FAM120B: variants seen among roughly 807,000 people sequenced by gnomAD.
FAM120B encodes the protein family with sequence similarity 120 member B, also known as constitutive coactivator of peroxisome proliferator-activated receptor gamma.
A neutral mutation model predicts 96.3 loss-of-function variants in FAM120B; 83 were observed. The observed-to-expected ratio is 0.86, with a 90% CI of 0.72 to 1.03. The LOEUF (loss-of-function observed/expected upper bound fraction) is 1.03. FAM120B is among the 50% of genes least tolerant of loss of function. FAM120B has a pLI of 0.00. For missense variants in FAM120B, 1,027 were observed against 1,121.2 expected, an observed-to-expected ratio of 0.92 and a Z score of 1.20; for synonymous variants, 407 against 402.7, an observed-to-expected ratio of 1.01 and a Z score of -0.13.
rs200449231 is a variant in FAM120B at position 170,317,347 on chromosome 6, G to C, written c.-21-23G>C. 6.8e-5 allele frequency: 106 copies of C among 1,561,978 alleles called. No homozygotes were observed. The African/African-American group carries it at 1.2e-3, about 18-fold the overall frequency. On this transcript the variant is annotated intron_variant, in intron 1 of 10. Coordinates refer to ENST00000476287, the MANE Select transcript of FAM120B (RefSeq NM_032448.3). ...ATCTAATGATAATGCCATAATTACT[G>C]ATTAATTTATCTTTCTTTCCAGATC...
chr6:170,396,277 A>G (rs1156312642), intron 9 of FAM120B, among the ~76,000 whole-genome samples: 1 of 152,172 alleles, frequency 6.6e-6, no homozygotes, highest in Admixed American at 6.5e-5. Flanking sequence ...AAAACACAGC[A>G]AGTCTTCAGT....
intron 7 of FAM120B, among the ~76,000 whole-genome samples, chr6:170,389,347 A>T (rs1317284343): frequency 6.6e-6 from 1 of 152,140 alleles, no homozygotes; most frequent in Non-Finnish European, 1.5e-5. Flanking sequence ...GGAATTTTCC[A>T]CTTATAGCAG....
intron 9 of FAM120B, among the ~76,000 whole-genome samples, chr6:170,398,044 G>C (rs536600168): frequency 6.6e-6 from 1 of 152,212 alleles, no homozygotes; most frequent in Non-Finnish European, 1.5e-5. Flanking sequence ...ATAGTCAAGA[G>C]AGTCCACAGT....
chr6:170,395,656 C>T, intron 9 of FAM120B, 77 bp downstream of exon 9: 1 of 1,016,010 alleles, frequency 9.8e-7, no homozygotes, highest in East Asian at 2.6e-5. Flanking sequence ...CTGATAACTG[C>T]CTTCCTCTGT....
intron 6 of FAM120B, among the ~76,000 whole-genome samples, chr6:170,382,326 C>T (rs1789955413): frequency 6.6e-6 from 1 of 152,100 alleles, no homozygotes; most frequent in Admixed American, 6.5e-5. Flanking sequence ...ATTGTTTGAG[C>T]CAGAGAGGTC....
chr6:170,378,177 C>A (rs1789686931), intron 6 of FAM120B, among the ~76,000 whole-genome samples: 2 of 152,310 alleles, frequency 1.3e-5, no homozygotes, highest in East Asian at 3.9e-4. Context: ...GAGATCACAG[C>A]CCAGGTGTTG....
rs569769659 is a variant in FAM120B, at chr6:170,347,074, T to C, written c.2018-1077T>C. Reference sequence around the variant, plus strand: ...GAGTTTTGTTGAGTTGTTTCACTTCTGATGGCGGGAAATATACCACTGAGA... The same window carrying C: ...GAGTTTTGTTGAGTTGTTTCACTTCCGATGGCGGGAAATATACCACTGAGA... On this transcript the variant is annotated intron_variant, in intron 4 of 10. Coordinates refer to ENST00000476287, the MANE Select transcript of FAM120B (RefSeq NM_032448.3). Among the ~76,000 whole-genome samples the C allele has an allele frequency of 2.6e-5, 4 of 152,348 alleles. No homozygotes were observed. In the South Asian group the frequency reaches 8.3e-4, roughly 32 times the overall value.
At chr6:170,359,145 C>T (rs957216039) in intron 6 of FAM120B, among the ~76,000 whole-genome samples, 1 of 152,182 alleles carries the variant, frequency 6.6e-6, no homozygotes, top group Non-Finnish European at 1.5e-5. Context: ...TCACGCCTGT[C>T]ATCCCACCAC....
At chr6:170,362,862 T>G (rs529281430) in intron 6 of FAM120B, among the ~76,000 whole-genome samples, 3 of 151,890 alleles carry the variant, frequency 2.0e-5, no homozygotes, top group Non-Finnish European at 4.4e-5. Flanking sequence ...TTGTATTTTT[T>G]TTTTGAGAGA....
Position 170,295,391 on chromosome 6 carries a change from G to A in FAM120B, c.-15G>A. 1.4e-6 allele frequency: 1 copy of A among 701,104 alleles called. No homozygotes were observed. The highest frequency in any genetic ancestry group is 2.6e-6 in the Non-Finnish European group (1 of 384,320). The allele number at this position is 701,104 out of a possible 1,614,324, so 43.4% of individuals were successfully genotyped here. A position where few individuals can be genotyped will look rare whatever the true frequency, so the allele number is the denominator to read the frequency against. ...CGTCACAGCCTGGAAAAGGGAGGGG[G>A]CATCGATCTGGTTTATGTTTGGACC... On this transcript the variant is annotated 5_prime_UTR_variant, in exon 1 of 11. Coordinates refer to the FAM120B transcript ENST00000537664. The surrounding 1 kb of genome is among the most constrained non-coding windows in gnomAD (Gnocchi z 7.8).
At chr6:170,306,865 C>G (rs1583171386) in intron 1 of FAM120B, 23 bp downstream of exon 1, 2 of 152,386 alleles carry the variant, frequency 1.3e-5, no homozygotes. Flanking sequence ...CCGAGGGCAC[C>G]CGCGGGTCTT....
At chr6:170,315,117 G>A (rs116579667) in intron 1 of FAM120B, among the ~76,000 whole-genome samples, 2,241 of 152,210 alleles carry the variant, frequency 0.015, 53 homozygotes, top group African/African-American at 0.052. Flanking sequence ...GCTGTCCAGG[G>A]GCTCTCCTGG....
intron 1 of FAM120B, among the ~76,000 whole-genome samples, chr6:170,308,088 C>A (rs888420604): frequency 6.6e-6 from 1 of 152,188 alleles, no homozygotes; most frequent in African/African-American, 2.4e-5. Flanking sequence ...ACCTGCCCAT[C>A]TTTGGACTTT....
chr6:170,329,298 T>C (rs891013223), intron 3 of FAM120B, among the ~76,000 whole-genome samples: 1 of 152,240 alleles, frequency 6.6e-6, no homozygotes, highest in Admixed American at 6.5e-5. Context: ...ACAGTGCCTG[T>C]GGGCACAAAA....
Position 170,317,860 on chromosome 6 carries a change from A to C in FAM120B, c.470A>C (p.Gln157Pro), listed in dbSNP as rs756898165. The C allele has an allele frequency of 1.2e-6, 2 of 1,614,150 alleles. No individual in the cohort carries two copies. Among genetic ancestry groups the C allele is most frequent in the Non-Finnish European group, 1.7e-6 (2 of 1,180,058 alleles). The change falls in exon 2 of 11, where the codon CAG (glutamine) becomes CCG (proline). Residue 157 changes from glutamine (Q) to proline (P), a missense_variant. Gln to Pro is a moderately conservative substitution (Grantham distance 76). Transcript: ENST00000476287. ...GGCCAGGAAACTTTGTGTTCTTTGC[A>C]GGAAGCAGATTATGAGGTAGCTTCC... ...TLGQETLCSL[Q>P]EADYEVASYG... is the part of the protein sequence containing the mutation.
At chr6:170,374,379 A>G (rs1450738820) in intron 6 of FAM120B, among the ~76,000 whole-genome samples, 1 of 152,230 alleles carries the variant, frequency 6.6e-6, no homozygotes, top group Non-Finnish European at 1.5e-5. Context: ...AAGTCGGTGT[A>G]TTTAGGAAGA....
chr6:170,379,898 G>A (rs760797594), intron 6 of FAM120B, among the ~76,000 whole-genome samples: 2 of 152,084 alleles, frequency 1.3e-5, no homozygotes, highest in African/African-American at 2.4e-5. Context: ...GCAGATTTTC[G>A]GTATACAGTA....
intron 4 of FAM120B, among the ~76,000 whole-genome samples, chr6:170,346,628 A>G (rs1412038988): frequency 6.6e-6 from 1 of 152,198 alleles, no homozygotes; most frequent in African/African-American, 2.4e-5. Context: ...CCACGTGTGT[A>G]TACATGGTCC....
At chr6:170,306,964 C>G (rs1223171200) in intron 1 of FAM120B, 122 bp downstream of exon 1, 1 of 152,310 alleles carries the variant, frequency 6.6e-6, no homozygotes, top group East Asian at 1.9e-4. Context: ...GGTCCCGATG[C>G]CTTCCTGGCC....
Sources: allele counts gnomAD v4.1 joint callset (sites outside exome capture counted in the v4.1 genomes callset), GRCh38; gene constraint gnomAD v4.1.1; non-coding constraint Gnocchi (gnomAD v3.1); transcripts MANE v1.5; gene names NCBI Gene and HGNC (gene_info 2026-07-23, HGNC 2026-07-21).